ATAD1: variants seen among roughly 807,000 people sequenced by gnomAD.
ATAD1 encodes the protein ATPase family AAA domain containing 1.
ATAD1 carries 18 observed loss-of-function variants against 42.7 expected under a neutral mutation model. That is an observed-to-expected ratio of 0.42 (90% CI 0.29 to 0.63). ATAD1 has a LOEUF of 0.63. ATAD1 is among the 20% of genes least tolerant of loss of function. ATAD1 has a pLI of 0.19. For synonymous variants in ATAD1, 132 were observed against 143.1 expected (o/e 0.92, Z 0.55); for missense variants, 294 against 440.4 (o/e 0.67, Z 2.98).
Position 87,769,724 on chromosome 10 carries a change from T to A in ATAD1, c.780+1228A>T, listed in dbSNP as rs534687020. ...ACTTTTGGAGGCTGAGGCAGGCATA[T>A]CATCTGAGGTCAGGAGTTCGAGACC... On this transcript the variant is annotated intron_variant, in intron 7 of 9. Coordinates refer to ENST00000680024, the MANE Select transcript of ATAD1 (RefSeq NM_001321967.2). 9.9e-5 allele frequency among the ~76,000 whole-genome samples: 15 copies of A among 152,164 alleles called. No individual in the cohort carries two copies. In the East Asian group the frequency reaches 2.9e-3, roughly 29 times the overall value.
intron 3 of ATAD1, among the ~76,000 whole-genome samples, chr10:87,792,390 G>T (rs2131937440): frequency 6.6e-6 from 1 of 152,270 alleles, no homozygotes; most frequent in African/African-American, 2.4e-5. Context: ...ACAACTTGAT[G>T]CACTAATTAA....
intron 2 of ATAD1, among the ~76,000 whole-genome samples, chr10:87,813,214 C>A (rs1056301246): frequency 2.6e-5 from 4 of 152,076 alleles, no homozygotes. Context: ...TTAAAAGTCA[C>A]ACCTCTGCTT....
chr10:87,817,792 G>C (rs1479527897), intron 1 of ATAD1: 1 of 985,370 alleles, frequency 1.0e-6, no homozygotes, highest in East Asian at 1.1e-4. Flanking sequence ...GCGACAATCA[G>C]ACCTGGTTCA....
chr10:87,797,362 CTG>C (rs1359056224), intron 2 of ATAD1, among the ~76,000 whole-genome samples: 1 of 152,126 alleles, frequency 6.6e-6, no homozygotes, highest in Admixed American at 6.5e-5. Context: ...CGCTTGGTTT[CTG>C]TGTTTGCTTA....
At chr10:87,814,390 A>G (rs1564782298) in intron 2 of ATAD1, 48 bp downstream of exon 2, 5 of 1,504,320 alleles carry the variant, frequency 3.3e-6, no homozygotes, top group Non-Finnish European at 4.4e-6. Context: ...TGAGGGGAAA[A>G]TACTTGTTAG....
rs949520472 is a variant in ATAD1 at position 87,753,560 on chromosome 10, G to A, written c.*1127C>T. On this transcript the variant is annotated 3_prime_UTR_variant, in exon 10 of 10. Coordinates refer to ENST00000680024, the MANE Select transcript of ATAD1 (RefSeq NM_001321967.2). Reference sequence around the variant, plus strand: ...AATTCACATATAATTCACATTAAACGACTACAGATAGATACAATATGGGCA... The same window carrying A: ...AATTCACATATAATTCACATTAAACAACTACAGATAGATACAATATGGGCA... 2.0e-5 allele frequency: 3 copies of A among 152,428 alleles called. No homozygotes were observed. Among genetic ancestry groups the A allele is most frequent in the African/African-American group, 4.8e-5 (2 of 41,414 alleles). 9.4% of individuals were successfully genotyped at this position (152,428 alleles called of 1,614,324 possible). A position where few individuals can be genotyped will look rare whatever the true frequency, so the allele number is the denominator to read the frequency against.
chr10:87,799,181 ATT>A (rs1419644316), intron 2 of ATAD1, among the ~76,000 whole-genome samples: 1 of 152,194 alleles, frequency 6.6e-6, no homozygotes, highest in Admixed American at 6.5e-5. Flanking sequence ...GCCAAAATAT[ATT>A]TTTGTTTGCA....
At chr10:87,789,609 CT>C (rs1161907131) in intron 4 of ATAD1, among the ~76,000 whole-genome samples, 1 of 152,104 alleles carries the variant, frequency 6.6e-6, no homozygotes, top group East Asian at 1.9e-4. Context: ...GTGGTCCCAG[CT>C]ACTCAGGAGG....
chr10:87,804,614 C>T (rs1589541820), intron 2 of ATAD1, among the ~76,000 whole-genome samples: 1 of 152,268 alleles, frequency 6.6e-6, no homozygotes, highest in Non-Finnish European at 1.5e-5. Context: ...AGGTGATCCA[C>T]CTGCCTCAGC....
At chr10:87,838,204 A>G (rs1589581645) in intron 1 of ATAD1, among the ~76,000 whole-genome samples, 2 of 152,226 alleles carry the variant, frequency 1.3e-5, no homozygotes, top group African/African-American at 2.4e-5. Flanking sequence ...CATGCATTCT[A>G]TCTAGGTTTT....
intron 1 of ATAD1, among the ~76,000 whole-genome samples, chr10:87,828,042 C>G (rs77788047): frequency 0.068 from 10,321 of 152,122 alleles, 421 homozygotes; most frequent in Non-Finnish European, 0.094. Flanking sequence ...ACTGTGGCCT[C>G]AAATTCCCAG....
chr10:87,827,707 C>T (rs990909769), intron 1 of ATAD1, among the ~76,000 whole-genome samples: 21 of 152,154 alleles, frequency 1.4e-4, no homozygotes, highest in African/African-American at 5.1e-4. Flanking sequence ...CCCTATCCCT[C>T]TCCTCAGGGC....
intron 1 of ATAD1, among the ~76,000 whole-genome samples, chr10:87,836,971 C>T (rs142930664): frequency 2.6e-5 from 4 of 152,302 alleles, no homozygotes; most frequent in Non-Finnish European, 5.9e-5. Context: ...TGAACCTATA[C>T]AATTAGTTCT....
intron 1 of ATAD1, among the ~76,000 whole-genome samples, chr10:87,835,235 A>G (rs952555075): frequency 6.6e-6 from 1 of 152,026 alleles, no homozygotes; most frequent in Non-Finnish European, 1.5e-5. Context: ...AATACCTATT[A>G]GGTACGGTTG....
chr10:87,767,841 A>C (rs1854836152), intron 7 of ATAD1, 118 bp from the exon 8 acceptor site: 1 of 979,452 alleles, frequency 1.0e-6, no homozygotes. Context: ...TAAGGAGATG[A>C]CAGAAACTTT....
intron 5 of ATAD1, among the ~76,000 whole-genome samples, chr10:87,781,026 A>C (rs1203018458): frequency 6.6e-6 from 1 of 152,176 alleles, no homozygotes; most frequent in Non-Finnish European, 1.5e-5. Flanking sequence ...CAAACTGAGA[A>C]ATTATCTAAA....
chr10:87,837,050 T>C (rs1857943991), intron 1 of ATAD1, among the ~76,000 whole-genome samples: 1 of 152,246 alleles, frequency 6.6e-6, no homozygotes, highest in Non-Finnish European at 1.5e-5. Flanking sequence ...TTGCATTTCT[T>C]TCAGGAACTT....
At chr10:87,792,632 C>T (rs563335586) in intron 3 of ATAD1, 25 bp downstream of exon 3, 37 of 665,682 alleles carry the variant, frequency 5.6e-5, no homozygotes, top group East Asian at 2.4e-4. Flanking sequence ...CTAAAAAAAT[C>T]TTAAATAAGA....
intron 1 of ATAD1, among the ~76,000 whole-genome samples, chr10:87,815,888 T>C (rs1049448612): frequency 1.3e-5 from 2 of 152,134 alleles, no homozygotes; most frequent in Non-Finnish European, 2.9e-5. Context: ...ACTCTATAAA[T>C]AGCTGGAGTC....
Sources: allele counts gnomAD v4.1 joint callset (sites outside exome capture counted in the v4.1 genomes callset), GRCh38; gene constraint gnomAD v4.1.1; transcripts MANE v1.5; gene names NCBI Gene and HGNC (gene_info 2026-07-23, HGNC 2026-07-21).